Variants in CD34 observed in about 807,000 individuals in gnomAD.
The protein encoded by CD34 is CD34 molecule.
In CD34, 34 loss-of-function variants were observed where a neutral mutation model predicts 40.1. The observed-to-expected ratio is 0.85, with a 90% confidence interval of 0.65 to 1.13. The LOEUF (loss-of-function observed/expected upper bound fraction) is 1.13. Ranked by LOEUF, CD34 falls within the 50% of genes most tolerant of loss-of-function variation. The pLI, the probability that CD34 is intolerant of heterozygous loss-of-function variation, is 0.00. For missense variants in CD34, 426 were observed against 466.9 expected, an observed-to-expected ratio of 0.91 and a Z score of 0.81; for synonymous variants, 209 against 190.0, an observed-to-expected ratio of 1.10 and a Z score of -0.82.
At position 207,887,571 on chromosome 1, in the gene CD34, C is replaced by T; in HGVS notation, c.*167G>A. ...CGAATGTGTAAAGGACAGGAGTTTA[C>T]CTGCCCCTCCTCAAGGTGTAGGGCC... is the stretch of plus-strand genomic sequence containing the variant. On this transcript the variant is annotated 3_prime_UTR_variant, in exon 8 of 8. Transcript: ENST00000310833. The T allele has an allele frequency of 2.2e-6, 2 of 911,422 alleles. No individual in the cohort carries two copies. The highest frequency in any genetic ancestry group is 3.2e-6 in the Non-Finnish European group (2 of 616,180). The allele number at this position is 911,422 out of a possible 1,614,324, so 56.5% of individuals were successfully genotyped here. A position where few individuals can be genotyped will look rare whatever the true frequency, so the allele number is the denominator to read the frequency against.
intron 4 of CD34, chr1:207,890,009 C>T: frequency 1.4e-6 from 2 of 1,400,768 alleles, no homozygotes; most frequent in Non-Finnish European, 1.8e-6. Flanking sequence ...TACAGCAGTC[C>T]CCAATGATGG....
Position 207,900,646 on chromosome 1 carries a change from C to G in CD34, c.80-643G>C, listed in dbSNP as rs186453570. ...ATCCTTTTGCTCATGGCCTTCAAAC[C>G]CATTCGCCTTTCCTTTTCTTCTTTT... On this transcript the variant is annotated intron_variant, in intron 1 of 7. Coordinates refer to ENST00000310833, the MANE Select transcript of CD34 (RefSeq NM_001025109.2). Among the ~76,000 whole-genome samples, 9 of 152,260 alleles carry G rather than the reference C, an allele frequency of 5.9e-5. No individual in the cohort carries two copies. The East Asian group carries it at 1.7e-3, about 29-fold the overall frequency.
At position 207,887,919 on chromosome 1, in the gene CD34, T is replaced by C; in HGVS notation, c.977A>G (p.Glu326Gly). 6.2e-7 allele frequency: 1 copy of C among 1,613,490 alleles called. No individual in the cohort carries two copies. Among genetic ancestry groups the C allele is most frequent in the Non-Finnish European group, 8.5e-7 (1 of 1,179,816 alleles). ...ACCGTTTTCCGTGTAATAAGGGTCTTCGCCCTAGACAGTGTATAAATAAAG... is the reference window on the plus strand; with the variant it reads ...ACCGTTTTCCGTGTAATAAGGGTCTCCGCCCTAGACAGTGTATAAATAAAG... The part of the protein sequence containing the change: ...SWSPTGERLG[E>G]DPYYTENGGG... Residue 326 changes from glutamate (E) to glycine (G), a missense_variant, in exon 8 of 8, where the codon GAA becomes GGA. By Grantham distance (98) the Glu-to-Gly change is moderately conservative. Transcript: ENST00000310833.
At position 207,883,519 on chromosome 1, in the gene CD34, G is replaced by T. The variant is rs1352421974; in HGVS notation, c.*4219C>A. On this transcript the variant is annotated 3_prime_UTR_variant, in exon 8 of 8. Coordinates refer to ENST00000310833, the MANE Select transcript of CD34 (RefSeq NM_001025109.2). The stretch of plus-strand genomic sequence containing the variant: ...TTATCCCCAAGATTTAAACATTTGG[G>T]GTTCAAATAAACTCACATCCTATTC... 6 of 152,062 alleles carry T rather than the reference G, an allele frequency of 3.9e-5. No individual in the cohort carries two copies. Among genetic ancestry groups the T allele is most frequent in the Non-Finnish European group, 1.5e-5 (1 of 68,020 alleles). 9.4% of individuals were successfully genotyped at this position (152,062 alleles called of 1,614,324 possible). A position where few individuals can be genotyped will look rare whatever the true frequency, so the allele number is the denominator to read the frequency against.
chr1:207,893,460 A>G lies in CD34; in HGVS notation c.598-3839T>C, dbSNP rs549440411. Among the ~76,000 whole-genome samples, 25 of 152,294 alleles carry G rather than the reference A, an allele frequency of 1.6e-4. No individual in the cohort carries two copies. In the East Asian group the frequency reaches 4.4e-3, roughly 27 times the overall value. On this transcript the variant is annotated intron_variant, in intron 4 of 7. Transcript: ENST00000310833. ...GTGAAAACGCTATTTTCACATAGAA[A>G]ATGGAATAATGAAGGGACCTGTTTC...
chr1:207,897,847 T>C (rs1415518675), intron 3 of CD34, among the ~76,000 whole-genome samples: 4 of 152,190 alleles, frequency 2.6e-5, no homozygotes, highest in Non-Finnish European at 4.4e-5. Context: ...AAACACTGGC[T>C]TGGATGGTGC....
At chr1:207,906,037 G>A (rs971946253) in intron 1 of CD34, among the ~76,000 whole-genome samples, 9 of 152,150 alleles carry the variant, frequency 5.9e-5, no homozygotes, top group South Asian at 4.1e-4. Flanking sequence ...AAAGGATCTC[G>A]CTCAGTGCTG....
chr1:207,889,756 A>AG (rs546561927), intron 4 of CD34, 135 bp from the exon 5 acceptor site: 8 of 1,237,462 alleles, frequency 6.5e-6, no homozygotes, highest in Non-Finnish European at 8.4e-6. Context: ...ATTCCAACAG[A>AG]AAAAAAAAAA....
intron 5 of CD34, 125 bp from the exon 6 acceptor site, chr1:207,889,338 A>G (rs911814120): frequency 1.3e-6 from 2 of 1,545,376 alleles, no homozygotes; most frequent in African/African-American, 2.7e-5. Context: ...ACCGCTCCCA[A>G]AGCCAGCCAA....
rs1661929791 is a variant in CD34 at position 207,887,707 on chromosome 1, A to G, written c.*31T>C. ...GATGCAGAGAGGGGTGCTCTCTCGG[A>G]CACTGCCCAGCCTTGCCCCACCTAG... On this transcript the variant is annotated 3_prime_UTR_variant, in exon 8 of 8. Coordinates refer to ENST00000310833, the MANE Select transcript of CD34 (RefSeq NM_001025109.2). 1 of 1,613,552 alleles carries G rather than the reference A, an allele frequency of 6.2e-7. No homozygotes were observed. The highest frequency in any genetic ancestry group is 8.5e-7 in the Non-Finnish European group (1 of 1,179,676).
At chr1:207,895,535 A>C (rs1340699433) in intron 4 of CD34, among the ~76,000 whole-genome samples, 1 of 152,196 alleles carries the variant, frequency 6.6e-6, no homozygotes, top group Non-Finnish European at 1.5e-5. Flanking sequence ...TTAGAGGAAC[A>C]TGCAGAGACC....
At chr1:207,898,170 T>C (rs1662191063) in intron 3 of CD34, among the ~76,000 whole-genome samples, 1 of 151,992 alleles carries the variant, frequency 6.6e-6, no homozygotes, top group South Asian at 2.1e-4. Context: ...CTCAGCCTCC[T>C]GGGTAGCTGG....
intron 1 of CD34, among the ~76,000 whole-genome samples, chr1:207,902,889 C>T (rs1285915778): frequency 6.6e-6 from 1 of 152,194 alleles, no homozygotes; most frequent in African/African-American, 2.4e-5. Context: ...GCAGCAGCCC[C>T]TCCACCCACC....
rs1558115232 is a variant in CD34, at chr1:207,883,616, G to A, written c.*4122C>T. ...TCTGAGTTTCAGTTTCTTTTTCTGA[G>A]ATAATAGAACCTACTTCACAGGGTT... On this transcript the variant is annotated 3_prime_UTR_variant, in exon 8 of 8. Transcript: ENST00000310833. The A allele has an allele frequency of 6.6e-6, 1 of 152,112 alleles. No homozygotes were observed. Among genetic ancestry groups the A allele is most frequent in the Non-Finnish European group, 1.5e-5 (1 of 68,028 alleles). 9.4% of individuals were successfully genotyped at this position (152,112 alleles called of 1,614,324 possible). A position where few individuals can be genotyped will look rare whatever the true frequency, so the allele number is the denominator to read the frequency against.
chr1:207,896,860 T>C (rs1161739075), intron 4 of CD34, among the ~76,000 whole-genome samples: 1 of 152,026 alleles, frequency 6.6e-6, no homozygotes, highest in Non-Finnish European at 1.5e-5. Context: ...AAATTTAAAA[T>C]AGGCAAAAGT....
chr1:207,889,695 G>A (rs1394589509), intron 4 of CD34, 74 bp from the exon 5 acceptor site: 1 of 1,606,798 alleles, frequency 6.2e-7, no homozygotes, highest in Non-Finnish European at 8.5e-7. Flanking sequence ...CAGAGTCTCT[G>A]ATTACAGTCA....
rs1226129962 is a variant in CD34 at position 207,886,368 on chromosome 1, G to C, written c.*1370C>G. 6.6e-6 allele frequency: 1 copy of C among 152,184 alleles called. No homozygotes were observed. Among genetic ancestry groups the C allele is most frequent in the African/African-American group, 2.4e-5 (1 of 41,422 alleles). 9.4% of individuals were successfully genotyped at this position (152,184 alleles called of 1,614,324 possible). A position where few individuals can be genotyped will look rare whatever the true frequency, so the allele number is the denominator to read the frequency against. On this transcript the variant is annotated 3_prime_UTR_variant, in exon 8 of 8. Coordinates refer to ENST00000310833, the MANE Select transcript of CD34 (RefSeq NM_001025109.2). ...TCCCCATGGAGGAGAATAGTTGGCA[G>C]ACTTGGCTAAAGGTCCTTAGCATCC...
intron 1 of CD34, among the ~76,000 whole-genome samples, chr1:207,902,907 C>T (rs924322316): frequency 5.3e-5 from 8 of 152,158 alleles, no homozygotes; most frequent in East Asian, 1.9e-4. Flanking sequence ...ACCACCAGGC[C>T]GAGCGCTGTG....
rs149255063 is a variant in CD34 at position 207,898,031 on chromosome 1, T to TTTTTTTTA, written c.517-459_517-458insTAAAAAAA. On this transcript the variant is annotated intron_variant, in intron 3 of 7. Transcript: ENST00000310833. Reference sequence around the variant, plus strand: ...ACTCTCCAAATTCCCATTTTGGCTCTTTTATTTATTTATTTATTTATTTAT... The same window carrying TTTTTTTTA: ...ACTCTCCAAATTCCCATTTTGGCTCTTTTTTTTATTTATTTATTTATTTATTTATTTAT... Among the ~76,000 whole-genome samples the TTTTTTTTA allele has an allele frequency of 5.4e-4, 77 of 143,462 alleles. 1 individual carries two copies. Among genetic ancestry groups the TTTTTTTTA allele is most frequent in the African/African-American group, 2.0e-3 (75 of 37,828 alleles). 94.1% of individuals were successfully genotyped at this position (143,462 alleles called of 152,430 possible).
Sources: allele counts gnomAD v4.1 joint callset (sites outside exome capture counted in the v4.1 genomes callset), GRCh38; gene constraint gnomAD v4.1.1; transcripts MANE v1.5; gene names NCBI Gene and HGNC (gene_info 2026-07-23, HGNC 2026-07-21).